BLTP1: variants seen among roughly 807,000 people sequenced by gnomAD.
BLTP1 encodes the protein bridge-like lipid transfer protein family member 1.
chr4:122,271,221 A>T, the BLTP1 span: 2 of 1,613,954 alleles, frequency 1.2e-6, no homozygotes, highest in Non-Finnish European at 1.7e-6. Context: ...ATAAGCCAGC[A>T]TGTAGATATG....
At chr4:122,224,364 A>G in the BLTP1 span, 1 of 950,450 alleles carries the variant, frequency 1.1e-6, no homozygotes, top group South Asian at 1.8e-5. Context: ...TTGTGTTAGG[A>G]GCTTGTGGAT....
At chr4:122,214,593 AT>A in the BLTP1 span, 35,830 of 333,192 alleles carry the variant, frequency 0.11, 714 homozygotes, top group African/African-American at 0.31. Context: ...TTTGGTAACT[AT>A]TTTTTTTTTT....
the BLTP1 span, chr4:122,259,886 A>T: frequency 1.5e-5 from 14 of 931,038 alleles, no homozygotes; most frequent in Non-Finnish European, 1.8e-5. Flanking sequence ...ACTTTCTTTG[A>T]AAGTCTGTGT....
At chr4:122,251,101 T>C in the BLTP1 span, 1 of 985,196 alleles carries the variant, frequency 1.0e-6, no homozygotes, top group Admixed American at 6.2e-5. Context: ...GTTGAAGAAA[T>C]GTCGTGCCAC....
At chr4:122,269,174 A>G in the BLTP1 span, 13 of 543,266 alleles carry the variant, frequency 2.4e-5, no homozygotes, top group South Asian at 5.7e-4. Flanking sequence ...ATATATAAAT[A>G]TGTTTATATG....
the BLTP1 span, chr4:122,246,019 TG>T: frequency 1.0e-6 from 1 of 972,614 alleles, no homozygotes; most frequent in Non-Finnish European, 1.4e-6. Flanking sequence ...GATTTTAAGG[TG>T]GGATATAAAA....
At chr4:122,273,512 T>C in the BLTP1 span, 1 of 834,786 alleles carries the variant, frequency 1.2e-6, no homozygotes, top group Non-Finnish European at 1.4e-6. Flanking sequence ...TGTCAGTTTT[T>C]TCATCTGTTT....
chr4:122,264,207 T>G, the BLTP1 span: 3 of 1,520,332 alleles, frequency 2.0e-6, no homozygotes, highest in Non-Finnish European at 2.6e-6. Context: ...TGTGTTTCTA[T>G]TCCCCAATAA....
chr4:122,260,872 A>T, the BLTP1 span, among the ~76,000 whole-genome samples: 1 of 152,182 alleles, frequency 6.6e-6, no homozygotes, highest in Non-Finnish European at 1.5e-5. Flanking sequence ...ATATAGATGC[A>T]TACTATGAAA....
At chr4:122,197,472 A>G in the BLTP1 span, 1 of 847,754 alleles carries the variant, frequency 1.2e-6, no homozygotes, top group Non-Finnish European at 1.4e-6. Flanking sequence ...TTTTCTAATC[A>G]AGTTCAGTCT....
At chr4:122,281,713 A>C in the BLTP1 span, 1 of 1,606,270 alleles carries the variant, frequency 6.2e-7, no homozygotes, top group Non-Finnish European at 8.5e-7. Flanking sequence ...TTGGAGCAGC[A>C]CTTTTACCAT....
chr4:122,230,341 C>A, the BLTP1 span: 2 of 738,262 alleles, frequency 2.7e-6, no homozygotes, highest in Non-Finnish European at 4.4e-6. Flanking sequence ...GATTGTGCTG[C>A]TGCACCTCAA....
chr4:122,195,976 G>C, the BLTP1 span, among the ~76,000 whole-genome samples: 2 of 152,270 alleles, frequency 1.3e-5, no homozygotes, highest in East Asian at 3.9e-4. Flanking sequence ...GTTAGCTCAT[G>C]TAGAAGACTC....
chr4:122,173,073 A>G, the BLTP1 span: 1 of 1,612,616 alleles, frequency 6.2e-7, no homozygotes, highest in Non-Finnish European at 8.5e-7. Flanking sequence ...TTTACCTCAC[A>G]TATTATAATT....
At chr4:122,204,077 A>G in the BLTP1 span, among the ~76,000 whole-genome samples, 2 of 152,022 alleles carry the variant, frequency 1.3e-5, no homozygotes, top group African/African-American at 2.4e-5. Context: ...CAAAACAAAC[A>G]TTAAATATGA....
chr4:122,263,540 C>A, the BLTP1 span: 1 of 1,612,984 alleles, frequency 6.2e-7, no homozygotes, highest in Middle Eastern at 1.7e-4. Flanking sequence ...TGTGGGTAAT[C>A]GAGGAAGTGT....
the BLTP1 span, among the ~76,000 whole-genome samples, chr4:122,321,407 C>T: frequency 5.5e-3 from 834 of 152,074 alleles, 13 homozygotes; most frequent in African/African-American, 0.018. Context: ...TACATAAATG[C>T]GTGTGCACAT....
chr4:122,312,485 T>G, the BLTP1 span, among the ~76,000 whole-genome samples: 1 of 152,210 alleles, frequency 6.6e-6, no homozygotes, highest in Non-Finnish European at 1.5e-5. Flanking sequence ...CATTCTAGCA[T>G]TCTTGGATTT....
the BLTP1 span, among the ~76,000 whole-genome samples, chr4:122,322,958 T>TCCTGAGGGGATTTTTTTCC: frequency 6.6e-6 from 1 of 152,122 alleles, no homozygotes; most frequent in Admixed American, 6.6e-5. Context: ...GGGACTTTTC[T>TCCTGAGGGGATTTTTTTCC]CCTGAGGGGA....
Sources: allele counts gnomAD v4.1 joint callset (sites outside exome capture counted in the v4.1 genomes callset), GRCh38; gene constraint gnomAD v4.1.1; transcripts MANE v1.5; gene names NCBI Gene and HGNC (gene_info 2026-07-23, HGNC 2026-07-21).